The following ACVR1C variants were observed in gnomAD, a reference collection of about 807,000 sequenced individuals.
ACVR1C encodes the protein activin receptor type-1C.
Under a neutral mutation model 57.9 loss-of-function variants are expected in ACVR1C, and 23 were observed. The observed-to-expected ratio is 0.40, with a 90% CI of 0.29 to 0.56. The LOEUF (loss-of-function observed/expected upper bound fraction) is 0.56. Among genes scored for constraint, ACVR1C ranks in the 20% least tolerant of loss-of-function variants. The pLI is 0.50. For synonymous variants in ACVR1C, 214 were observed against 215.3 expected (o/e 0.99, Z 0.05); for missense variants, 480 against 607.9 (o/e 0.79, Z 2.21).
chr2:157,574,416 A>ACTG (rs1304129493), intron 2 of ACVR1C, among the ~76,000 whole-genome samples: 1 of 152,154 alleles, frequency 6.6e-6, no homozygotes, highest in Non-Finnish European at 1.5e-5. Context: ...AAGTCAAAAG[A>ACTG]CTGCTACCTT....
rs1573913427 is a variant in ACVR1C at position 157,552,414 on chromosome 2, T to C, written c.545-2022A>G. Among the ~76,000 whole-genome samples, 4 of 152,348 alleles carry C rather than the reference T, an allele frequency of 2.6e-5. No individual in the cohort carries two copies. In the South Asian group the frequency reaches 8.3e-4, roughly 32 times the overall value. On this transcript the variant is annotated intron_variant, in intron 3 of 8. Transcript: ENST00000243349. ...TCCCAAAGTACTGGGATTACAGGCG[T>C]GAGCCACTGCAACCAGCCTGGACTG...
At chr2:157,584,706 T>G (rs1688874912) in intron 2 of ACVR1C, among the ~76,000 whole-genome samples, 1 of 152,190 alleles carries the variant, frequency 6.6e-6, no homozygotes, top group African/African-American at 2.4e-5. Context: ...AGCATATACT[T>G]ATCATGTGAC....
At position 157,587,261 on chromosome 2, in the gene ACVR1C, C is replaced by G. The variant is rs1325373973; in HGVS notation, c.230G>C (p.Ser77Thr). 1.2e-6 allele frequency: 2 copies of G among 1,613,704 alleles called. No homozygotes were observed. Among genetic ancestry groups the G allele is most frequent in the South Asian group, 2.2e-5 (2 of 91,076 alleles). Residue 77 changes from serine to threonine, a missense_variant, in exon 2 of 9, where the codon AGT becomes ACT. Transcript: ENST00000243349. ...PELNAQVFCH[S>T]SNNVTKTECC... ...TTCGGTTTTGGTAACATTGTTGGAACTATGACAGAAGACTTGAGCATTCAG... is the reference window on the plus strand; with the variant it reads ...TTCGGTTTTGGTAACATTGTTGGAAGTATGACAGAAGACTTGAGCATTCAG...
chr2:157,577,584 T>C (rs1688694028), intron 2 of ACVR1C, among the ~76,000 whole-genome samples: 1 of 152,184 alleles, frequency 6.6e-6, no homozygotes, highest in Admixed American at 6.5e-5. Flanking sequence ...ACTAACACTT[T>C]TGTTTGTTTA....
At chr2:157,536,350 A>G (rs1297903895) in intron 8 of ACVR1C, among the ~76,000 whole-genome samples, 1 of 152,216 alleles carries the variant, frequency 6.6e-6, no homozygotes, top group Non-Finnish European at 1.5e-5. Flanking sequence ...AGACATCTAT[A>G]CTGAAGACAT....
chr2:157,619,315 C>T (rs1266204538), intron 1 of ACVR1C, among the ~76,000 whole-genome samples: 18 of 150,702 alleles, frequency 1.2e-4, no homozygotes, highest in Admixed American at 1.2e-3. Context: ...CAGGTGGCTT[C>T]AAAAAATTAC....
rs185393734 is a variant in ACVR1C at position 157,548,053 on chromosome 2, T to A, written c.775+2109A>T. Among the ~76,000 whole-genome samples, 600 of 152,202 alleles carry A rather than the reference T, an allele frequency of 3.9e-3. 2 individuals are homozygous for A. Among genetic ancestry groups the A allele is most frequent in the African/African-American group, 0.014 (562 of 41,530 alleles). On this transcript the variant is annotated intron_variant, in intron 4 of 8. Coordinates refer to ENST00000243349, the MANE Select transcript of ACVR1C (RefSeq NM_145259.3). ...TCTATTGTCTCAGCCCAAAATCTCC[T>A]TAAGCTGATAAGCAACTTCAGCAAA...
At chr2:157,627,907 A>G (rs1228461105) in intron 1 of ACVR1C, among the ~76,000 whole-genome samples, 1 of 152,222 alleles carries the variant, frequency 6.6e-6, no homozygotes, top group African/African-American at 2.4e-5. Context: ...AGAGGGCTCT[A>G]TTTAGCCTAT....
intron 1 of ACVR1C, among the ~76,000 whole-genome samples, chr2:157,601,182 T>G (rs1268980832): frequency 6.6e-6 from 1 of 151,978 alleles, no homozygotes; most frequent in Non-Finnish European, 1.5e-5. Flanking sequence ...CCAGGCTTGG[T>G]GGCAGGCTCC....
rs115626423 is a variant in ACVR1C at position 157,611,788 on chromosome 2, G to T, written c.73+16784C>A. On this transcript the variant is annotated intron_variant, in intron 1 of 8. Coordinates refer to ENST00000243349, the MANE Select transcript of ACVR1C (RefSeq NM_145259.3). ...CACAGATGCCAGAGGTGGTGAAATG[G>T]GCAGGGAGATCCAGATTCTCAGGCA... Among the ~76,000 whole-genome samples, 524 of 152,242 alleles carry T rather than the reference G, an allele frequency of 3.4e-3. 2 individuals are homozygous for T. The highest frequency in any genetic ancestry group is 5.1e-3 in the Non-Finnish European group (344 of 68,012).
chr2:157,623,724 A>G (rs1483155477), intron 1 of ACVR1C, among the ~76,000 whole-genome samples: 1 of 152,162 alleles, frequency 6.6e-6, no homozygotes, highest in Non-Finnish European at 1.5e-5. Context: ...ATAATTACAT[A>G]TTTTAAAATA....
intron 1 of ACVR1C, among the ~76,000 whole-genome samples, chr2:157,595,314 G>A (rs771553073): frequency 6.6e-5 from 10 of 152,164 alleles, no homozygotes; most frequent in Non-Finnish European, 8.8e-5. Flanking sequence ...GGTGATAACC[G>A]CTCTTGGGTA....
At chr2:157,574,018 C>A (rs1688587289) in intron 2 of ACVR1C, among the ~76,000 whole-genome samples, 1 of 152,044 alleles carries the variant, frequency 6.6e-6, no homozygotes, top group South Asian at 2.1e-4. Flanking sequence ...TAAGAAAAGC[C>A]CATGCCCGAC....
At chr2:157,596,495 T>C (rs1246330580) in intron 1 of ACVR1C, among the ~76,000 whole-genome samples, 2 of 152,340 alleles carry the variant, frequency 1.3e-5, no homozygotes, top group East Asian at 1.9e-4. Flanking sequence ...ACACTAGATA[T>C]GCATAGTGAT....
At chr2:157,552,276 G>C (rs189862718) in intron 3 of ACVR1C, among the ~76,000 whole-genome samples, 1 of 152,256 alleles carries the variant, frequency 6.6e-6, no homozygotes, top group African/African-American at 2.4e-5. Flanking sequence ...GGGACTACAG[G>C]TGTGCACCAC....
intron 2 of ACVR1C, among the ~76,000 whole-genome samples, chr2:157,574,135 A>C (rs1188717716): frequency 6.6e-6 from 1 of 152,248 alleles, no homozygotes; most frequent in Non-Finnish European, 1.5e-5. Context: ...GGATTTTTAT[A>C]TTAAGACTTT....
Position 157,539,314 on chromosome 2 carries a change from TAG to T in ACVR1C, c.1226-613_1226-612del, listed in dbSNP as rs539591142. 1.9e-3 allele frequency among the ~76,000 whole-genome samples: 294 copies of T among 152,278 alleles called. 3 individuals are homozygous for T. The highest frequency in any genetic ancestry group is 6.8e-3 in the African/African-American group (281 of 41,574). On this transcript the variant is annotated intron_variant, in intron 7 of 8. Coordinates refer to ENST00000243349, the MANE Select transcript of ACVR1C (RefSeq NM_145259.3). ...AGAAGAAGCCAAAGGTAGTTGAAGATAGACAGTTCAACATGAAGATTAATATT... is the reference window on the plus strand; with the variant it reads ...AGAAGAAGCCAAAGGTAGTTGAAGATACAGTTCAACATGAAGATTAATATT...
chr2:157,580,488 G>A (rs574058275), intron 2 of ACVR1C, among the ~76,000 whole-genome samples: 7 of 152,248 alleles, frequency 4.6e-5, no homozygotes, highest in African/African-American at 1.7e-4. Flanking sequence ...AATTATGCCA[G>A]CATCATTTCA....
intron 1 of ACVR1C, among the ~76,000 whole-genome samples, chr2:157,623,016 C>T (rs1682817196): frequency 6.6e-6 from 1 of 152,150 alleles, no homozygotes; most frequent in Non-Finnish European, 1.5e-5. Flanking sequence ...AGGTGCTCAA[C>T]ATCACTGATC....
Sources: gnomAD v4.1 joint callset for allele counts (sites outside exome capture counted in the v4.1 genomes callset) on GRCh38, gnomAD v4.1.1 for gene constraint, MANE v1.5 for transcripts, NCBI Gene and HGNC (gene_info 2026-07-23, HGNC 2026-07-21) for gene names.